The following ADAMTSL1 variants were observed in gnomAD, a reference collection of about 807,000 sequenced individuals.
ADAMTSL1 encodes the protein ADAMTS like 1.
A neutral mutation model predicts 201.8 loss-of-function variants in ADAMTSL1; 126 were observed. The observed-to-expected ratio is 0.62, with a 90% CI of 0.54 to 0.72. ADAMTSL1 has a LOEUF of 0.72. Ranked by LOEUF, ADAMTSL1 falls within the 30% of genes least tolerant of loss-of-function variation. The pLI is 0.00. For missense variants in ADAMTSL1, 2,679 were observed against 2,277.8 expected, an observed-to-expected ratio of 1.18 and a Z score of -3.59; for synonymous variants, 1,121 against 903.4, an observed-to-expected ratio of 1.24 and a Z score of -4.32.
chr9:18,854,369 G>A lies in ADAMTSL1; in HGVS notation c.4249+24392G>A, dbSNP rs577612526. Among the ~76,000 whole-genome samples, 5 of 152,260 alleles carry A rather than the reference G, an allele frequency of 3.3e-5. No individual in the cohort carries two copies. The South Asian group carries it at 1.0e-3, about 32-fold the overall frequency. On this transcript the variant is annotated intron_variant, in intron 23 of 28. Coordinates refer to ENST00000380548, the MANE Select transcript of ADAMTSL1 (RefSeq NM_001040272.6). ...CTTTGTTCTTGAAAGGAGAAAAAGA[G>A]AAAGGTATGGTTTTCTTTGGGGCAC...
chr9:17,954,334 G>A (rs1353289522), intron 1 of ADAMTSL1, among the ~76,000 whole-genome samples: 1 of 152,160 alleles, frequency 6.6e-6, no homozygotes, highest in Non-Finnish European at 1.5e-5. Context: ...AGTCAATAAG[G>A]CCAGCCTAGG....
chr9:18,135,680 A>G (rs11790282), intron 1 of ADAMTSL1, among the ~76,000 whole-genome samples: 5,279 of 152,224 alleles, frequency 0.035, 129 homozygotes, highest in Non-Finnish European at 0.056. Context: ...ATGTGTGTAT[A>G]CCATATGCAT....
At chr9:18,232,896 A>T (rs1358699961) in intron 2 of ADAMTSL1, among the ~76,000 whole-genome samples, 1 of 152,242 alleles carries the variant, frequency 6.6e-6, no homozygotes, top group Non-Finnish European at 1.5e-5. Context: ...TTATAAATAG[A>T]ATGGATTTTT....
chr9:18,271,276 C>T (rs951208408), intron 2 of ADAMTSL1, among the ~76,000 whole-genome samples: 11 of 152,078 alleles, frequency 7.2e-5, no homozygotes, highest in African/African-American at 2.4e-4. Context: ...TGGTGTGCTG[C>T]ACCCATTAAC....
At chr9:18,590,021 G>A (rs1182870617) in intron 4 of ADAMTSL1, among the ~76,000 whole-genome samples, 1 of 152,050 alleles carries the variant, frequency 6.6e-6, no homozygotes, top group African/African-American at 2.4e-5. Flanking sequence ...TTGGCCTGTA[G>A]TTTTCTTTTT....
intron 7 of ADAMTSL1, among the ~76,000 whole-genome samples, chr9:18,643,476 C>A (rs996023593): frequency 6.6e-6 from 1 of 151,754 alleles, no homozygotes; most frequent in Non-Finnish European, 1.5e-5. Flanking sequence ...GGGTCATATT[C>A]AAAAAATTGC....
At chr9:18,163,772 G>A (rs1311355565) in intron 1 of ADAMTSL1, 1 of 140,162 alleles carries the variant, frequency 7.1e-6, no homozygotes, top group Admixed American at 7.0e-5. Flanking sequence ...GCCTTGAAAT[G>A]AATCCAAGAG....
intron 13 of ADAMTSL1, among the ~76,000 whole-genome samples, chr9:18,696,068 C>T (rs1831527975): frequency 6.6e-6 from 1 of 152,166 alleles, no homozygotes; most frequent in Non-Finnish European, 1.5e-5. Context: ...TGAGAGCTCA[C>T]TATCACAAGA....
rs116831326 is a variant in ADAMTSL1, at chr9:18,163,043, C to A, written c.88-819C>A. On this transcript the variant is annotated intron_variant, in intron 1 of 29. Coordinates refer to the ADAMTSL1 transcript ENST00000680146. ...GAGGCATAGAGAGGCAGGAGGAGGCCTGGGTGAACTGATTATACCTTGAAT... is the reference window on the plus strand; with the variant it reads ...GAGGCATAGAGAGGCAGGAGGAGGCATGGGTGAACTGATTATACCTTGAAT... Among the ~76,000 whole-genome samples, 1,045 of 152,080 alleles carry A rather than the reference C, an allele frequency of 6.9e-3. 12 individuals are homozygous for A. The highest frequency in any genetic ancestry group is 0.024 in the African/African-American group (1,006 of 41,504).
rs77443557 is a variant in ADAMTSL1, at chr9:18,599,539, G to A, written c.475-22704G>A. Among the ~76,000 whole-genome samples the A allele has an allele frequency of 3.5e-3, 534 of 152,308 alleles. 8 individuals are homozygous for A. Among genetic ancestry groups the A allele is most frequent in the African/African-American group, 0.012 (508 of 41,564 alleles). The stretch of plus-strand genomic sequence containing the variant: ...TGCTCTCTTAGGCAGTGGGTAGGAA[G>A]AATGGTTTTGTCAAGGCTATTTGGG... On this transcript the variant is annotated intron_variant, in intron 4 of 28. Coordinates refer to ENST00000380548, the MANE Select transcript of ADAMTSL1 (RefSeq NM_001040272.6).
At chr9:18,581,434 C>T (rs987594738) in intron 4 of ADAMTSL1, among the ~76,000 whole-genome samples, 2 of 152,198 alleles carry the variant, frequency 1.3e-5, no homozygotes, top group African/African-American at 4.8e-5. Context: ...AGCCAGCTGT[C>T]TGGCTCCCAA....
In ADAMTSL1 at chr9:17,964,231, TAA is replaced by T. The variant is rs779496517; in HGVS notation, c.87+57313_87+57314del. Among the ~76,000 whole-genome samples the T allele has an allele frequency of 1.2e-3, 176 of 152,306 alleles. 1 individual carries two copies. Among genetic ancestry groups the T allele is most frequent in the Middle Eastern group, 0.01 (3 of 294 alleles). ...CACCATGTGCTCTGTGTGGCGTTAG[TAA>T]AAAGTGACTGCTGCCTTGCTCATAA... On this transcript the variant is annotated intron_variant, in intron 1 of 29. Coordinates refer to the ADAMTSL1 transcript ENST00000680146.
At chr9:17,915,875 A>G (rs1231692098) in intron 1 of ADAMTSL1, among the ~76,000 whole-genome samples, 1 of 152,114 alleles carries the variant, frequency 6.6e-6, no homozygotes, top group African/African-American at 2.4e-5. Flanking sequence ...TTAGCCCATT[A>G]TAGGATTGTT....
At chr9:18,693,753 C>T (rs1034619801) in intron 13 of ADAMTSL1, among the ~76,000 whole-genome samples, 4 of 152,080 alleles carry the variant, frequency 2.6e-5, no homozygotes, top group African/African-American at 9.7e-5. Context: ...GAGATTTGGT[C>T]AAGTGAGGGG....
intron 1 of ADAMTSL1, among the ~76,000 whole-genome samples, chr9:18,068,327 A>AAAATAATAC (rs1286879794): frequency 6.6e-6 from 1 of 152,184 alleles, no homozygotes; most frequent in Non-Finnish European, 1.5e-5. Flanking sequence ...TACAACAATA[A>AAAATAATAC]AAATAATACA....
At chr9:18,792,076 C>CA (rs372062110) in intron 19 of ADAMTSL1, among the ~76,000 whole-genome samples, 2,009 of 147,090 alleles carry the variant, frequency 0.014, 38 homozygotes, top group African/African-American at 0.046. Flanking sequence ...TAGTTGTATG[C>CA]AAAAAAAAAA....
chr9:18,272,211 A>G (rs1288212627), intron 2 of ADAMTSL1, among the ~76,000 whole-genome samples: 1 of 152,174 alleles, frequency 6.6e-6, no homozygotes, highest in Non-Finnish European at 1.5e-5. Flanking sequence ...AAGCTATACT[A>G]CAAGGCTACA....
chr9:18,100,986 G>A (rs559474645), intron 1 of ADAMTSL1, among the ~76,000 whole-genome samples: 6 of 152,136 alleles, frequency 3.9e-5, no homozygotes, highest in Middle Eastern at 3.4e-3. Context: ...GCTTGTCCTC[G>A]CCTGCATGTA....
At chr9:18,772,213 G>T (rs1820731759) in intron 17 of ADAMTSL1, among the ~76,000 whole-genome samples, 2 of 152,176 alleles carry the variant, frequency 1.3e-5, no homozygotes, top group African/African-American at 2.4e-5. Flanking sequence ...CATTCTCTCA[G>T]TGGAGTATTA....
Sources: gnomAD v4.1 joint callset for allele counts (sites outside exome capture counted in the v4.1 genomes callset) on GRCh38, gnomAD v4.1.1 for gene constraint, MANE v1.5 for transcripts, NCBI Gene and HGNC (gene_info 2026-07-23, HGNC 2026-07-21) for gene names.